Variants in HSF2 observed in about 807,000 individuals in gnomAD.
HSF2 encodes the protein heat shock factor protein 2.
A neutral mutation model predicts 65.0 loss-of-function variants in HSF2; 21 were observed. The observed-to-expected ratio is 0.32, with a 90% CI of 0.23 to 0.47. The LOEUF (loss-of-function observed/expected upper bound fraction) is 0.47. Among genes scored for constraint, HSF2 ranks in the 20% least tolerant of loss-of-function variants. The pLI is 1.00. For synonymous variants in HSF2, 225 were observed against 219.1 expected (o/e 1.03, Z -0.24); for missense variants, 499 against 628.1 (o/e 0.79, Z 2.20).
In HSF2 at chr6:122,420,222, A is replaced by G; in HGVS notation, c.681A>G (p.Lys227=). The change falls in exon 7 of 13, where the codon AAA becomes AAG. Residue 227 remains lysine, a splice_region_variant and synonymous_variant. Coordinates refer to ENST00000368455, the MANE Select transcript of HSF2 (RefSeq NM_004506.4). ...AACCAACTGATAATCATCATCATAA[A>G]GTAATTTTTTAGTTAGGGTCTATTT... The part of the protein sequence containing the change: ...VKEPTDNHHH[K]VPHSRTEGLK... 6.3e-7 allele frequency: 1 copy of G among 1,590,186 alleles called. No individual in the cohort carries two copies. The highest frequency in any genetic ancestry group is 8.6e-7 in the Non-Finnish European group (1 of 1,162,158).
At chr6:122,415,556 A>G (rs1259366027) in intron 4 of HSF2, among the ~76,000 whole-genome samples, 2 of 152,122 alleles carry the variant, frequency 1.3e-5, no homozygotes, top group Non-Finnish European at 2.9e-5. Flanking sequence ...GCCTGAATTC[A>G]CTTGGTAACC....
At chr6:122,400,422 TAAC>T (rs2114412935) in intron 1 of HSF2, among the ~76,000 whole-genome samples, 1 of 152,312 alleles carries the variant, frequency 6.6e-6, no homozygotes, top group East Asian at 1.9e-4. Flanking sequence ...ATATAGAAAT[TAAC>T]AAATTATTCT....
intron 1 of HSF2, among the ~76,000 whole-genome samples, chr6:122,408,868 A>G (rs1368227695): frequency 3.4e-5 from 5 of 145,556 alleles, no homozygotes; most frequent in African/African-American, 1.0e-4. Flanking sequence ...TTTTTTTGAC[A>G]TCAAATGTTG....
intron 1 of HSF2, among the ~76,000 whole-genome samples, chr6:122,404,181 A>T (rs1271056214): frequency 6.6e-6 from 1 of 152,184 alleles, no homozygotes; most frequent in Non-Finnish European, 1.5e-5. Flanking sequence ...GGAAATAGGT[A>T]GGAGGGAGAG....
At chr6:122,421,287 C>A (rs1175323632) in intron 7 of HSF2, among the ~76,000 whole-genome samples, 8 of 151,958 alleles carry the variant, frequency 5.3e-5, no homozygotes. Flanking sequence ...TTTCAAACTT[C>A]AGAATTCAAA....
chr6:122,424,314 C>T (rs918228152), intron 10 of HSF2, among the ~76,000 whole-genome samples: 3 of 151,968 alleles, frequency 2.0e-5, no homozygotes, highest in African/African-American at 2.4e-5. Flanking sequence ...AAGCTTCCTA[C>T]GTGGTCTGGT....
intron 1 of HSF2, among the ~76,000 whole-genome samples, chr6:122,402,038 A>C (rs1482593319): frequency 6.6e-6 from 1 of 152,182 alleles, no homozygotes; most frequent in Non-Finnish European, 1.5e-5. Context: ...AACATGAGAT[A>C]TTTTTGCAAT....
Position 122,413,569 on chromosome 6 carries a change from T to G in HSF2, c.375T>G (p.Asp125Glu), listed in dbSNP as rs762096393. Residue 125 changes from aspartate (D) to glutamate (E), a missense_variant, in exon 4 of 13, where the codon GAT becomes GAG. Asp to Glu is a conservative substitution (Grantham distance 45, BLOSUM62 2). This residue lies in a region of HSF2 where 150 missense variants were observed against 234.6 expected (regional missense o/e 0.64). Coordinates refer to ENST00000368455, the MANE Select transcript of HSF2 (RefSeq NM_004506.4). ...AAGAAAATAAAATTCGTCAGGAAGA[T>G]TTAACAAAAATTATAAGTAGTGCTC... Reference protein sequence around the residue: ...KPEENKIRQEDLTKIISSAQK... With the variant: ...KPEENKIRQEELTKIISSAQK... 1 of 1,595,024 alleles carries G rather than the reference T, an allele frequency of 6.3e-7. No homozygotes were observed. Among genetic ancestry groups the G allele is most frequent in the African/African-American group, 1.3e-5 (1 of 74,452 alleles).
At chr6:122,404,889 A>G (rs1218231212) in intron 1 of HSF2, among the ~76,000 whole-genome samples, 1 of 152,218 alleles carries the variant, frequency 6.6e-6, no homozygotes, top group African/African-American at 2.4e-5. Flanking sequence ...TGTATGTGAG[A>G]GAGAGTGAGC....
At chr6:122,413,766 C>T in intron 4 of HSF2, 117 bp downstream of exon 4, 1 of 869,440 alleles carries the variant, frequency 1.2e-6, no homozygotes. Context: ...TTTGTTGAAG[C>T]CAAGATCAAA....
rs1208779015 is a variant in HSF2 at position 122,432,891 on chromosome 6, TAAAG to T, written c.*672_*675del. 1 of 152,188 alleles carries T rather than the reference TAAAG, an allele frequency of 6.6e-6. No individual in the cohort carries two copies. The highest frequency in any genetic ancestry group is 2.4e-5 in the African/African-American group (1 of 41,444). The allele number at this position is 152,188 out of a possible 1,614,324, so 9.4% of individuals were successfully genotyped here. Reference sequence around the variant, plus strand: ...TCCAGTTAGTTGGACTAGTTTTAAATAAAGGTTTTCCGGTTTGTGTTTTTTTGAA... The same window carrying T: ...TCCAGTTAGTTGGACTAGTTTTAAATGTTTTCCGGTTTGTGTTTTTTTGAA... On this transcript the variant is annotated 3_prime_UTR_variant, in exon 13 of 13. Transcript: ENST00000368455.
At chr6:122,423,712 A>G (rs369383418) in intron 10 of HSF2, 26 bp downstream of exon 10, 5 of 1,280,628 alleles carry the variant, frequency 3.9e-6, no homozygotes, top group African/African-American at 1.5e-5. Context: ...AATCTTTGCT[A>G]TACTGGTAGT....
At chr6:122,413,740 T>A in intron 4 of HSF2, 91 bp downstream of exon 4, 1 of 1,072,906 alleles carries the variant, frequency 9.3e-7, no homozygotes, top group Non-Finnish European at 1.4e-6. Context: ...TGTTTTATTG[T>A]AAGTACTCAG....
chr6:122,423,647 A>G lies in HSF2; in HGVS notation c.1137A>G (p.Ser379=). The change falls in exon 10 of 13, where the codon TCA becomes TCG. Residue 379 remains serine, a synonymous_variant. Coordinates refer to ENST00000368455, the MANE Select transcript of HSF2 (RefSeq NM_004506.4). The part of the protein sequence containing the change: ...CSLEDFQAML[S]GRQFSIDPDL... ...TAGAGGACTTCCAGGCCATGCTATC[A>G]GGAAGACAATTTAGCATAGACCCAG... The G allele has an allele frequency of 6.2e-7, 1 of 1,610,330 alleles. No homozygotes were observed. The highest frequency in any genetic ancestry group is 8.5e-7 in the Non-Finnish European group (1 of 1,177,500).
intron 10 of HSF2, among the ~76,000 whole-genome samples, chr6:122,425,598 T>C (rs1774321652): frequency 6.6e-6 from 1 of 152,056 alleles, no homozygotes; most frequent in African/African-American, 2.4e-5. Context: ...AATAGAACTT[T>C]TATTGTTGAT....
chr6:122,427,372 A>G (rs1274633874), intron 10 of HSF2, among the ~76,000 whole-genome samples: 3 of 152,042 alleles, frequency 2.0e-5, no homozygotes, highest in Admixed American at 6.6e-5. Flanking sequence ...TGATCTTAGC[A>G]CTTAAAATTT....
At chr6:122,429,044 A>G (rs529520239) in intron 11 of HSF2, among the ~76,000 whole-genome samples, 3 of 152,226 alleles carry the variant, frequency 2.0e-5, no homozygotes, top group African/African-American at 7.2e-5. Flanking sequence ...TACAGACAAT[A>G]TGTAAAAGAA....
chr6:122,409,015 A>C (rs1360342572), intron 1 of HSF2, among the ~76,000 whole-genome samples: 1 of 151,982 alleles, frequency 6.6e-6, no homozygotes, highest in African/African-American at 2.4e-5. Flanking sequence ...TTTTAAATTG[A>C]AGTGTGTAAT....
chr6:122,403,687 A>G (rs1007094198), intron 1 of HSF2, among the ~76,000 whole-genome samples: 7 of 152,234 alleles, frequency 4.6e-5, no homozygotes, highest in African/African-American at 1.7e-4. Flanking sequence ...TCTGAAAAAC[A>G]AAAATGAAAA....
Sources: gnomAD v4.1 joint callset for allele counts (sites outside exome capture counted in the v4.1 genomes callset) on GRCh38, gnomAD v4.1.1 for gene constraint, gnomAD v4.1.1 regional missense constraint, MANE v1.5 for transcripts, NCBI Gene and HGNC (gene_info 2026-07-23, HGNC 2026-07-21) for gene names.